Variants in USP9X observed in about 807,000 individuals in gnomAD.
USP9X encodes the protein ubiquitin specific peptidase 9 X-linked.
A neutral mutation model predicts 190.3 loss-of-function variants in USP9X; 7 were observed. The ratio of observed to expected loss-of-function variants is 0.04; its 90% confidence interval spans 0.02 to 0.07. USP9X has a LOEUF of 0.07. Among genes scored for constraint, USP9X ranks in the 10% least tolerant of loss-of-function variants. The pLI, the probability that USP9X is intolerant of heterozygous loss-of-function variation, is 1.00. For missense variants in USP9X, 1,010 were observed against 1,916.9 expected (o/e 0.53, Z 8.83); for synonymous variants, 645 against 659.5 (o/e 0.98, Z 0.34).
intron 32 of USP9X, among the ~76,000 whole-genome samples, chrX:41,206,446 AT>A (rs2063097196): frequency 8.9e-6 from 1 of 112,188 alleles, no homozygotes; most frequent in African/African-American, 3.2e-5. Flanking sequence ...GATCTTGATT[AT>A]TCATCTGTTT....
intron 28 of USP9X, 141 bp downstream of exon 28, chrX:41,196,879 C>G: frequency 2.1e-6 from 1 of 471,953 alleles, no homozygotes; most frequent in Non-Finnish European, 3.3e-6. Context: ...TACTCTGCAT[C>G]AGTGGACGTT....
intron 30 of USP9X, 129 bp from the exon 31 acceptor site, chrX:41,200,931 T>C: frequency 1.6e-6 from 1 of 630,315 alleles, no homozygotes; most frequent in Non-Finnish European, 2.5e-6. Flanking sequence ...AGAACACTGC[T>C]TCAGGTTGCT....
intron 29 of USP9X, 148 bp from the exon 30 acceptor site, chrX:41,198,376 AGATC>A: frequency 6.5e-6 from 2 of 306,920 alleles, no homozygotes; most frequent in Non-Finnish European, 1.1e-5. Context: ...TTTTGAAGGA[AGATC>A]TTTTTATTAG....
intron 1 of USP9X, among the ~76,000 whole-genome samples, chrX:41,106,522 ATTTTTTTTT>A (rs35038623): frequency 1.2e-4 from 7 of 58,789 alleles, no homozygotes; most frequent in African/African-American, 2.9e-4. Flanking sequence ...TTCTGAATTA[ATTTTTTTTT>A]TTTTTTTTTT....
At chrX:41,192,320 GT>G (rs1219772008) in intron 26 of USP9X, among the ~76,000 whole-genome samples, 1 of 112,071 alleles carries the variant, frequency 8.9e-6, no homozygotes, top group African/African-American at 3.2e-5. Context: ...TCTAGGAAAG[GT>G]TTCCTAGACC....
At chrX:41,100,492 T>G (rs2062026253) in intron 1 of USP9X, among the ~76,000 whole-genome samples, 1 of 111,906 alleles carries the variant, frequency 8.9e-6, no homozygotes, top group Admixed American at 9.5e-5. Flanking sequence ...CTACTGCATA[T>G]AAGTTCCTTC....
At chrX:41,207,133 G>C (rs2063107305) in intron 32 of USP9X, among the ~76,000 whole-genome samples, 2 of 86,849 alleles carry the variant, frequency 2.3e-5, no homozygotes, top group African/African-American at 4.6e-5. Context: ...CTGTTGCCCA[G>C]GCTGAAGTGC....
chrX:41,148,879 G>A (rs2062495761), intron 12 of USP9X, among the ~76,000 whole-genome samples: 1 of 111,891 alleles, frequency 8.9e-6, no homozygotes, highest in Non-Finnish European at 1.9e-5. Context: ...AAAGCTGATA[G>A]GGACTTCAGA....
At chrX:41,124,508 G>T (rs932467828) in intron 2 of USP9X, among the ~76,000 whole-genome samples, 10 of 109,650 alleles carry the variant, frequency 9.1e-5, no homozygotes, top group African/African-American at 3.3e-4. Flanking sequence ...GGTGTAGATG[G>T]TAATACTTGA....
chrX:41,143,008 C>T (rs914640431), intron 9 of USP9X, among the ~76,000 whole-genome samples: 1 of 111,603 alleles, frequency 9.0e-6, no homozygotes, highest in African/African-American at 3.3e-5. Context: ...CCTGTACTCA[C>T]CCTACCATGG....
intron 14 of USP9X, 119 bp downstream of exon 14, chrX:41,153,200 C>T: frequency 1.4e-6 from 1 of 733,883 alleles, no homozygotes; most frequent in Non-Finnish European, 1.9e-6. Context: ...TTACTCCCAA[C>T]TCTTAGACAT....
chrX:41,177,137 C>T lies in USP9X; in HGVS notation c.3148+5179C>T, dbSNP rs575049744. Among the ~76,000 whole-genome samples, 3 of 111,977 alleles carry T rather than the reference C, an allele frequency of 2.7e-5. No homozygotes were observed. In the South Asian group the frequency reaches 1.1e-3, roughly 41 times the overall value. On this transcript the variant is annotated intron_variant, in intron 21 of 44. Transcript: ENST00000378308. ...TCTTCTAAAAACAAGAATGTTCTCA[C>T]TTACATTAACATAGTATTATTCAAA...
chrX:41,093,899 GT>G (rs1196624009), intron 1 of USP9X, among the ~76,000 whole-genome samples: 1 of 112,036 alleles, frequency 8.9e-6, no homozygotes, highest in African/African-American at 3.2e-5. Flanking sequence ...GGTGACTGTC[GT>G]TTTTGAAATT....
At chrX:41,172,997 A>G (rs1451349785) in intron 21 of USP9X, among the ~76,000 whole-genome samples, 1 of 111,451 alleles carries the variant, frequency 9.0e-6, no homozygotes, top group East Asian at 2.8e-4. Flanking sequence ...GTGGGCCTGG[A>G]GATTTCCTCA....
intron 14 of USP9X, among the ~76,000 whole-genome samples, chrX:41,157,983 A>G (rs1054277978): frequency 8.9e-6 from 1 of 112,138 alleles, no homozygotes; most frequent in African/African-American, 3.2e-5. Context: ...CTTGAAAAGT[A>G]TAATAACCAA....
At chrX:41,137,527 C>G (rs1569164081) in intron 6 of USP9X, among the ~76,000 whole-genome samples, 1 of 111,353 alleles carries the variant, frequency 9.0e-6, no homozygotes, top group East Asian at 2.8e-4. Context: ...AGACTGTACA[C>G]TTTAAAAAAT....
At chrX:41,202,570 A>G (rs992893942) in intron 31 of USP9X, among the ~76,000 whole-genome samples, 2 of 111,364 alleles carry the variant, frequency 1.8e-5, no homozygotes, top group East Asian at 2.8e-4. Flanking sequence ...TAGTTTATCA[A>G]TTGGAGCTTC....
intron 33 of USP9X, among the ~76,000 whole-genome samples, chrX:41,211,911 C>T (rs1184061587): frequency 9.0e-6 from 1 of 111,510 alleles, no homozygotes; most frequent in Admixed American, 9.6e-5. Flanking sequence ...GCCGCCCCTA[C>T]TGGGAAGTGA....
At chrX:41,130,900 ATTTT>A (rs1215787755) in intron 3 of USP9X, among the ~76,000 whole-genome samples, 1 of 109,287 alleles carries the variant, frequency 9.2e-6, no homozygotes, top group Non-Finnish European at 1.9e-5. Flanking sequence ...TAATTTTTGT[ATTTT>A]TAGTAGAGAC....
Sources: gnomAD v4.1 joint callset for allele counts (sites outside exome capture counted in the v4.1 genomes callset) on GRCh38, gnomAD v4.1.1 for gene constraint, MANE v1.5 for transcripts, NCBI Gene and HGNC (gene_info 2026-07-23, HGNC 2026-07-21) for gene names.